Variants in NYAP2 observed in about 807,000 individuals in gnomAD.
NYAP2 encodes the protein neuronal tyrosine-phosphorylated phosphoinositide-3-kinase adaptor 2.
A neutral mutation model predicts 50.4 loss-of-function variants in NYAP2; 23 were observed. That is an observed-to-expected ratio of 0.46 (90% confidence interval 0.33 to 0.65). The LOEUF (loss-of-function observed/expected upper bound fraction) is 0.65, where lower values mean the gene tolerates loss of function less well. Among genes scored for constraint, NYAP2 ranks in the 30% least tolerant of loss-of-function variants. NYAP2 has a pLI of 0.02. For synonymous variants in NYAP2, 394 were observed against 365.2 expected (o/e 1.08, Z -0.90); for missense variants, 885 against 861.0 (o/e 1.03, Z -0.35).
At chr2:225,646,333 C>T (rs914020404) in intron 6 of NYAP2, among the ~76,000 whole-genome samples, 1 of 152,192 alleles carries the variant, frequency 6.6e-6, no homozygotes, top group Non-Finnish European at 1.5e-5. Context: ...GGGCAGATCA[C>T]GTGAGGTCGG....
rs1559202469 is a variant in NYAP2 at position 225,518,546 on chromosome 2, A to ATATATATAAATTAGCTTGTGAGCT, written c.523+4882_523+4883insAATTAGCTTGTGAGCTTATATATA. Among the ~76,000 whole-genome samples the ATATATATAAATTAGCTTGTGAGCT allele has an allele frequency of 2.7e-4, 20 of 74,310 alleles. 1 individual carries two copies. The highest frequency in any genetic ancestry group is 9.1e-4 in the African/African-American group (18 of 19,864). The allele number at this position is 74,310 out of a possible 152,430, so 48.8% of individuals were successfully genotyped here. A position where few individuals can be genotyped will look rare whatever the true frequency, so the allele number is the denominator to read the frequency against. ...AATATATATATATATATATATATAT[A>ATATATATAAATTAGCTTGTGAGCT]TATATATATATATATATATATATTA... On this transcript the variant is annotated intron_variant, in intron 4 of 6. Transcript: ENST00000636099.
In NYAP2 at chr2:225,513,517, C is replaced by T. The variant is rs770289601; in HGVS notation, c.368C>T (p.Ser123Leu). 1.3e-5 allele frequency: 21 copies of T among 1,613,744 alleles called. No homozygotes were observed. The highest frequency in any genetic ancestry group is 1.5e-5 in the Non-Finnish European group (18 of 1,179,752). The change falls in exon 4 of 7, where the codon TCG becomes TTG. Residue 123 changes from serine to leucine, a missense_variant. Ser to Leu is a moderately radical substitution (Grantham distance 145). Coordinates refer to ENST00000636099, the Ensembl canonical transcript of NYAP2. ...TCTGTGAGATCACAGTCCCTGCACT[C>T]GGTTGGGGGCACAGACGATGACAGC...
At chr2:225,415,162 T>C (rs962259201) in intron 3 of NYAP2, among the ~76,000 whole-genome samples, 1 of 152,046 alleles carries the variant, frequency 6.6e-6, no homozygotes, top group Non-Finnish European at 1.5e-5. Context: ...TCTTTAAAAG[T>C]GACAGAAATG....
chr2:225,598,573 T>A (rs369345299), intron 5 of NYAP2, among the ~76,000 whole-genome samples: 5 of 152,208 alleles, frequency 3.3e-5, no homozygotes, highest in African/African-American at 9.6e-5. Context: ...ATTTGAAAAA[T>A]GGAATGTCAG....
At chr2:225,609,474 T>G (rs940039111) in intron 5 of NYAP2, among the ~76,000 whole-genome samples, 9 of 152,100 alleles carry the variant, frequency 5.9e-5, no homozygotes, top group Non-Finnish European at 1.0e-4. Flanking sequence ...TAGGACAAAC[T>G]CAAGGAAAGA....
intron 5 of NYAP2, among the ~76,000 whole-genome samples, chr2:225,625,049 A>T (rs1029885544): frequency 6.7e-6 from 1 of 148,750 alleles, no homozygotes; most frequent in Non-Finnish European, 1.5e-5. Flanking sequence ...AGCGTAAAAA[A>T]AAAAAAAAAA....
chr2:225,673,387 G>A, the NYAP2 span, among the ~76,000 whole-genome samples: 2 of 152,090 alleles, frequency 1.3e-5, no homozygotes, highest in African/African-American at 4.8e-5. Context: ...GAGACAATAA[G>A]TGATCACATA....
At chr2:225,610,163 C>T (rs1692854945) in intron 5 of NYAP2, among the ~76,000 whole-genome samples, 1 of 152,134 alleles carries the variant, frequency 6.6e-6, no homozygotes, top group Non-Finnish European at 1.5e-5. Context: ...TGTTGGTCTG[C>T]TTAGGCTACT....
intron 6 of NYAP2, among the ~76,000 whole-genome samples, chr2:225,629,708 GC>G (rs1289897250): frequency 6.6e-6 from 1 of 152,082 alleles, no homozygotes; most frequent in Non-Finnish European, 1.5e-5. Context: ...GTATGAAGAG[GC>G]AAAACTCAAC....
At chr2:225,432,267 A>C (rs1166498674) in intron 3 of NYAP2, among the ~76,000 whole-genome samples, 1 of 148,536 alleles carries the variant, frequency 6.7e-6, no homozygotes, top group Non-Finnish European at 1.5e-5. Flanking sequence ...AAGTGCTGGG[A>C]TTACAGGCGT....
intron 3 of NYAP2, among the ~76,000 whole-genome samples, chr2:225,467,406 A>T (rs925399857): frequency 8.5e-5 from 13 of 152,084 alleles, no homozygotes; most frequent in African/African-American, 3.1e-4. Context: ...CCATCAACTG[A>T]TGGTCACCTG....
At chr2:225,504,740 T>C (rs1375302347) in intron 3 of NYAP2, among the ~76,000 whole-genome samples, 2 of 152,126 alleles carry the variant, frequency 1.3e-5, no homozygotes, top group Non-Finnish European at 2.9e-5. Flanking sequence ...CCAGGCACGG[T>C]GGCTCATGCC....
chr2:225,465,501 G>T (rs1374827212), intron 3 of NYAP2, among the ~76,000 whole-genome samples: 1 of 152,062 alleles, frequency 6.6e-6, no homozygotes, highest in Non-Finnish European at 1.5e-5. Flanking sequence ...CGGATCACAA[G>T]GTCAGGAGTT....
intron 4 of NYAP2, among the ~76,000 whole-genome samples, chr2:225,556,087 A>G (rs944704774): frequency 7.2e-5 from 11 of 152,150 alleles, no homozygotes; most frequent in South Asian, 2.1e-4. Context: ...CTTTTTGCCA[A>G]TGGAGCCTCA....
chr2:225,519,507 T>A (rs1264756326), intron 4 of NYAP2, among the ~76,000 whole-genome samples: 7 of 148,126 alleles, frequency 4.7e-5, no homozygotes, highest in Admixed American at 1.4e-4. Context: ...CACCTATGAG[T>A]GAGAATATGC....
At chr2:225,557,476 T>A (rs1691798966) in intron 4 of NYAP2, among the ~76,000 whole-genome samples, 1 of 152,140 alleles carries the variant, frequency 6.6e-6, no homozygotes, top group African/African-American at 2.4e-5. Flanking sequence ...CAAGCAAGAA[T>A]GGAGCTTATG....
intron 4 of NYAP2, among the ~76,000 whole-genome samples, chr2:225,538,381 G>A (rs1691388461): frequency 6.6e-6 from 1 of 152,212 alleles, no homozygotes; most frequent in South Asian, 2.1e-4. Context: ...CTAGGTGGGG[G>A]TTCCCAAACC....
At chr2:225,518,154 A>G (rs748311978) in intron 4 of NYAP2, among the ~76,000 whole-genome samples, 1 of 151,988 alleles carries the variant, frequency 6.6e-6, no homozygotes, top group Non-Finnish European at 1.5e-5. Flanking sequence ...ACACACATAC[A>G]TACAATAGAA....
chr2:225,613,685 C>G (rs1311283329), intron 5 of NYAP2, among the ~76,000 whole-genome samples: 1 of 152,152 alleles, frequency 6.6e-6, no homozygotes, highest in South Asian at 2.1e-4. Context: ...TGTAGAAGAA[C>G]TGCATTCCTG....
Sources: gnomAD v4.1 joint callset for allele counts (sites outside exome capture counted in the v4.1 genomes callset) on GRCh38, gnomAD v4.1.1 for gene constraint, MANE v1.5 for transcripts, NCBI Gene and HGNC (gene_info 2026-07-23, HGNC 2026-07-21) for gene names.